Variants in MYO5B observed in about 807,000 individuals in gnomAD.
MYO5B encodes the protein unconventional myosin-Vb.
A neutral mutation model predicts 229.3 loss-of-function variants in MYO5B; 143 were observed. The observed-to-expected ratio is 0.62, with a 90% CI of 0.54 to 0.72. The LOEUF (loss-of-function observed/expected upper bound fraction) is 0.72. MYO5B is among the 30% of genes least tolerant of loss of function. The probability of loss-of-function intolerance (pLI) is 0.00; values close to 1 mark genes in which losing one functional copy is unlikely to be tolerated. For missense variants in MYO5B, 2,321 were observed against 2,331.0 expected (o/e 1.00, Z 0.09); for synonymous variants, 918 against 885.2 (o/e 1.04, Z -0.66).
In MYO5B at chr18:50,195,000, C is replaced by T; in HGVS notation, c.-207G>A. 1 of 621,468 alleles carries T rather than the reference C, an allele frequency of 1.6e-6. No individual in the cohort carries two copies. 38.5% of individuals were successfully genotyped at this position (621,468 alleles called of 1,614,324 possible). ...GACCTTTACTCCCGCCGCGGCGGCGCAGCTACGGCCGGACAGGAGTTGCGA... is the reference window on the plus strand; with the variant it reads ...GACCTTTACTCCCGCCGCGGCGGCGTAGCTACGGCCGGACAGGAGTTGCGA... On this transcript the variant is annotated 5_prime_UTR_variant, in exon 1 of 40. Transcript: ENST00000285039.
intron 27 of MYO5B, among the ~76,000 whole-genome samples, chr18:49,870,327 A>AT (rs2024443103): frequency 6.6e-6 from 1 of 152,212 alleles, no homozygotes; most frequent in Non-Finnish European, 1.5e-5. Flanking sequence ...AAGACCTAAA[A>AT]TTGTAAAACT....
At chr18:50,002,924 T>G (rs371894544) in intron 4 of MYO5B, among the ~76,000 whole-genome samples, 1 of 152,194 alleles carries the variant, frequency 6.6e-6, no homozygotes, top group East Asian at 1.9e-4. Flanking sequence ...CACAGGGGTT[T>G]GCCCTGCCTT....
intron 4 of MYO5B, among the ~76,000 whole-genome samples, chr18:50,006,716 C>T (rs1040609866): frequency 2.0e-5 from 3 of 152,192 alleles, no homozygotes; most frequent in Non-Finnish European, 2.9e-5. Context: ...CAAGCCCTTC[C>T]TCCTCATTTC....
rs2026290380 is a variant in MYO5B, at chr18:50,022,747, C to T, written c.455+14103G>A. 2.6e-5 allele frequency among the ~76,000 whole-genome samples: 4 copies of T among 152,150 alleles called. 1 individual carries two copies. In the South Asian group the frequency reaches 8.3e-4, roughly 32 times the overall value. ...TGTAAAGTGACAGAAGTCCCACTTG[C>T]CACAGGGGACTGGGAGGGAAGTCTG... On this transcript the variant is annotated intron_variant, in intron 4 of 39. Transcript: ENST00000285039.
chr18:50,021,097 A>G (rs2026268574), intron 4 of MYO5B, among the ~76,000 whole-genome samples: 1 of 152,176 alleles, frequency 6.6e-6, no homozygotes, highest in South Asian at 2.1e-4. Context: ...GTGCACACAG[A>G]GGAACATATA....
intron 33 of MYO5B, among the ~76,000 whole-genome samples, chr18:49,843,893 G>A (rs2024093571): frequency 6.6e-6 from 1 of 152,226 alleles, no homozygotes; most frequent in African/African-American, 2.4e-5. Flanking sequence ...TGAGGGCTAG[G>A]GAGGTTGGAA....
At chr18:50,035,145 A>G (rs2144380886) in intron 4 of MYO5B, among the ~76,000 whole-genome samples, 1 of 152,310 alleles carries the variant, frequency 6.6e-6, no homozygotes, top group South Asian at 2.1e-4. Context: ...TCTTGTCAAG[A>G]GGGTCTACAG....
At chr18:50,062,493 T>G (rs1014848784) in intron 1 of MYO5B, among the ~76,000 whole-genome samples, 3 of 152,224 alleles carry the variant, frequency 2.0e-5, no homozygotes, top group African/African-American at 7.2e-5. Flanking sequence ...CCCAAGTGGC[T>G]TGGTACCTGG....
rs1434965733 is a variant in MYO5B, at chr18:50,040,130, GC to G, written c.310+12del. Reference sequence around the variant, plus strand: ...TTTCCAACGCATGCAGCCAACAGATGCCCCCCACTTACCACAGTAAGTGTAG... The same window carrying G: ...TTTCCAACGCATGCAGCCAACAGATGCCCCCACTTACCACAGTAAGTGTAG... On this transcript the variant is annotated intron_variant, in intron 3 of 39. Transcript: ENST00000285039. 3 of 1,613,940 alleles carry G rather than the reference GC, an allele frequency of 1.9e-6. No individual in the cohort carries two copies. The East Asian group carries it at 6.7e-5, about 36-fold the overall frequency.
At chr18:49,902,561 C>G (rs780076183) in intron 21 of MYO5B, 33 bp downstream of exon 21, 46 of 1,606,112 alleles carry the variant, frequency 2.9e-5, no homozygotes, top group Non-Finnish European at 3.6e-5. Context: ...ACCCAAGCCC[C>G]CGACACCCAG....
intron 18 of MYO5B, among the ~76,000 whole-genome samples, chr18:49,910,683 T>C (rs2024947988): frequency 6.6e-6 from 1 of 152,164 alleles, no homozygotes; most frequent in South Asian, 2.1e-4. Context: ...TGTCTATAGC[T>C]AGACTTGAGC....
intron 4 of MYO5B, among the ~76,000 whole-genome samples, chr18:50,023,759 C>T (rs2026301857): frequency 6.6e-6 from 1 of 152,108 alleles, no homozygotes. Flanking sequence ...TGGTAGGTAG[C>T]AGGGCGGCTG....
At chr18:50,103,260 A>G (rs573325822) in intron 1 of MYO5B, among the ~76,000 whole-genome samples, 1 of 152,336 alleles carries the variant, frequency 6.6e-6, no homozygotes, top group East Asian at 1.9e-4. Context: ...TTAAGCCACT[A>G]TCTTAGTTTC....
At chr18:50,034,975 A>T (rs1437598979) in intron 4 of MYO5B, among the ~76,000 whole-genome samples, 2 of 152,130 alleles carry the variant, frequency 1.3e-5, no homozygotes, top group Non-Finnish European at 2.9e-5. Flanking sequence ...TCTACTGACA[A>T]ATTCATTACC....
At chr18:49,907,153 G>T (rs1368588891) in intron 18 of MYO5B, among the ~76,000 whole-genome samples, 1 of 152,204 alleles carries the variant, frequency 6.6e-6, no homozygotes, top group Non-Finnish European at 1.5e-5. Context: ...GAGCCAGGAT[G>T]GCTAGCTGGG....
rs907503590 is a variant in MYO5B at position 50,157,354 on chromosome 18, C to T, written c.27+37413G>A. ...CTCCTGACCTCAGGTGATTCATCTACCTCGGCCTGGATATCCTTTGAATAT... is the reference window on the plus strand; with the variant it reads ...CTCCTGACCTCAGGTGATTCATCTATCTCGGCCTGGATATCCTTTGAATAT... On this transcript the variant is annotated intron_variant, in intron 1 of 39. Transcript: ENST00000285039. Among the ~76,000 whole-genome samples the T allele has an allele frequency of 5.9e-5, 9 of 152,298 alleles. No individual in the cohort carries two copies. The South Asian group carries it at 1.9e-3, about 32-fold the overall frequency.
chr18:49,934,154 G>C (rs1344283089), intron 16 of MYO5B, among the ~76,000 whole-genome samples: 3 of 152,208 alleles, frequency 2.0e-5, no homozygotes, highest in Non-Finnish European at 4.4e-5. Context: ...GCCATTACAG[G>C]CATGAGCCAC....
At chr18:49,916,440 A>G (rs1177197790) in intron 17 of MYO5B, among the ~76,000 whole-genome samples, 1 of 152,176 alleles carries the variant, frequency 6.6e-6, no homozygotes, top group Non-Finnish European at 1.5e-5. Context: ...CACCCACCTC[A>G]TACAAGCACC....
intron 1 of MYO5B, among the ~76,000 whole-genome samples, chr18:50,084,936 T>G (rs893143071): frequency 2.0e-5 from 3 of 152,162 alleles, no homozygotes; most frequent in African/African-American, 7.2e-5. Context: ...AAGACTTACA[T>G]GTTAGACCTA....
Sources: gnomAD v4.1 joint callset for allele counts (sites outside exome capture counted in the v4.1 genomes callset) on GRCh38, gnomAD v4.1.1 for gene constraint, MANE v1.5 for transcripts, NCBI Gene and HGNC (gene_info 2026-07-23, HGNC 2026-07-21) for gene names.